FAM193B: variants seen among roughly 807,000 people sequenced by gnomAD.
The protein encoded by FAM193B is protein FAM193B.
In FAM193B, 27 loss-of-function variants were observed where a neutral mutation model predicts 70.7. That is an observed-to-expected ratio of 0.38 (90% CI 0.28 to 0.53). The LOEUF is 0.53. Ranked by LOEUF, FAM193B falls within the 20% of genes least tolerant of loss-of-function variation. The probability of loss-of-function intolerance (pLI) is 0.81; values close to 1 mark genes in which losing one functional copy is unlikely to be tolerated. For missense variants in FAM193B, 1,022 were observed against 1,072.5 expected (o/e 0.95, Z 0.66); for synonymous variants, 448 against 436.0 (o/e 1.03, Z -0.34).
intron 5 of FAM193B, chr5:177,531,598 G>T: frequency 8.9e-7 from 1 of 1,125,634 alleles, no homozygotes; most frequent in Non-Finnish European, 1.1e-6. Context: ...CGGGCACCAA[G>T]TATGTGATGA....
intron 1 of FAM193B, chr5:177,553,588 C>T: frequency 8.4e-7 from 1 of 1,194,102 alleles, no homozygotes; most frequent in Non-Finnish European, 1.1e-6. Flanking sequence ...TCGCTCTCAG[C>T]AGGATTCTCC....
At chr5:177,521,688 AG>A (rs1761764688) in intron 8 of FAM193B, among the ~76,000 whole-genome samples, 1 of 152,238 alleles carries the variant, frequency 6.6e-6, no homozygotes, top group Non-Finnish European at 1.5e-5. Context: ...GTTATGCCTT[AG>A]GAGATGCCAG....
chr5:177,524,061 T>G (rs1762187243), intron 6 of FAM193B, 29 bp from the exon 7 acceptor site: 25 of 1,613,732 alleles, frequency 1.5e-5, no homozygotes, highest in Non-Finnish European at 2.0e-5. Context: ...GAGGGCTCAG[T>G]GCCCATGGCC....
At chr5:177,542,529 T>A (rs1438345260) in intron 1 of FAM193B, among the ~76,000 whole-genome samples, 1 of 152,254 alleles carries the variant, frequency 6.6e-6, no homozygotes, top group African/African-American at 2.4e-5. Context: ...GAATCTAAAC[T>A]GACTTGTTAG....
chr5:177,537,791 G>A (rs1561773063), intron 3 of FAM193B, 82 bp downstream of exon 3: 1 of 1,480,860 alleles, frequency 6.8e-7, no homozygotes, highest in East Asian at 2.4e-5. Context: ...CCAGTCTTAT[G>A]ATTTGTTTGA....
At chr5:177,552,061 C>G (rs1423051352) in intron 1 of FAM193B, 1 of 985,156 alleles carries the variant, frequency 1.0e-6, no homozygotes, top group Non-Finnish European at 1.2e-6. Flanking sequence ...CTTTTCTTTT[C>G]TTTTGTCTGA....
chr5:177,524,608 G>A lies in FAM193B; in HGVS notation c.1873C>T (p.Pro625Ser), dbSNP rs755567843. 4.3e-6 allele frequency: 7 copies of A among 1,612,266 alleles called. No homozygotes were observed. The Admixed American group carries it at 8.4e-5, about 19-fold the overall frequency. ...TTCCCACCTGAGGACACAGGCTCAG[G>A]CAGCTCCTGCTTGCAACTGGGAACT... ...KEVPSCKQEL[P>S]EPVSSGGKPQ... Residue 625 changes from proline (P) to serine (S), a missense_variant, in exon 6 of 9, where the codon CCT becomes TCT. Physicochemically the swap from Pro to Ser is moderately conservative, Grantham distance 74 (BLOSUM62 -1). Coordinates refer to ENST00000514747, the MANE Select transcript of FAM193B (RefSeq NM_001190946.3).
At chr5:177,526,018 C>G (rs977527175) in intron 5 of FAM193B, among the ~76,000 whole-genome samples, 1 of 152,194 alleles carries the variant, frequency 6.6e-6, no homozygotes, top group African/African-American at 2.4e-5. Context: ...TGCTGTGGTG[C>G]GCCTGGCGCC....
chr5:177,524,133 C>T (rs1374534984), intron 6 of FAM193B, 52 bp downstream of exon 6: 101 of 1,602,452 alleles, frequency 6.3e-5, no homozygotes, highest in Non-Finnish European at 8.4e-5. Flanking sequence ...CCCCTCCACC[C>T]CGTGGACTGG....
intron 5 of FAM193B, among the ~76,000 whole-genome samples, chr5:177,528,810 C>T (rs938783970): frequency 3.9e-5 from 6 of 152,160 alleles, no homozygotes; most frequent in East Asian, 1.9e-4. Flanking sequence ...GCCCGCCTGG[C>T]GACACGGGAA....
rs945926356 is a variant in FAM193B at position 177,538,250 on chromosome 5, A to G, written c.454-143T>C. The G allele has an allele frequency of 4.8e-6, 4 of 836,184 alleles. No homozygotes were observed. Among genetic ancestry groups the G allele is most frequent in the South Asian group, 2.0e-5 (1 of 50,382 alleles). The allele number at this position is 836,184 out of a possible 1,614,324, so 51.8% of individuals were successfully genotyped here. A position where few individuals can be genotyped will look rare whatever the true frequency, so the allele number is the denominator to read the frequency against. On this transcript the variant is annotated intron_variant, in intron 2 of 8. Transcript: ENST00000514747. The surrounding 1 kb of genome is among the most constrained non-coding windows in gnomAD (Gnocchi z 4.1). ...AAACACAATTAATACAACTCCAGCT[A>G]TAAGAACAAATGAGGGCCAGGCCTT...
intron 1 of FAM193B, among the ~76,000 whole-genome samples, chr5:177,546,847 C>A (rs2127486747): frequency 6.6e-6 from 1 of 152,338 alleles, no homozygotes; most frequent in Admixed American, 6.5e-5. Flanking sequence ...AATATCCCCA[C>A]AAGGCTAGCT....
chr5:177,553,710 C>T (rs1766622732), intron 1 of FAM193B: 1 of 1,287,838 alleles, frequency 7.8e-7, no homozygotes, highest in Non-Finnish European at 1.0e-6. Flanking sequence ...AAAACTCCTC[C>T]GGGCAGCCTG....
At chr5:177,549,816 A>T (rs1404894717) in intron 1 of FAM193B, among the ~76,000 whole-genome samples, 1 of 152,238 alleles carries the variant, frequency 6.6e-6, no homozygotes, top group Non-Finnish European at 1.5e-5. Context: ...AATAACTGCC[A>T]GCCTGGCCCA....
rs1766744246 is a variant in FAM193B at position 177,554,248 on chromosome 5, C to T, written c.210+1G>A. ...GCCGAAGTCTCCCCGCTCGCTCCTACCTGCGGGCCGGGCACCAGGTTGGGT... is the reference window on the plus strand; with the variant it reads ...GCCGAAGTCTCCCCGCTCGCTCCTATCTGCGGGCCGGGCACCAGGTTGGGT... On this transcript the variant is annotated splice_donor_variant, in intron 1 of 8. Coordinates refer to ENST00000514747, the MANE Select transcript of FAM193B (RefSeq NM_001190946.3). LOFTEE classifies it high-confidence loss of function. The T allele has an allele frequency of 6.7e-7, 1 of 1,481,868 alleles. No individual in the cohort carries two copies. The highest frequency in any genetic ancestry group is 2.2e-5 in the Admixed American group (1 of 45,110). 91.8% of individuals were successfully genotyped at this position (1,481,868 alleles called of 1,614,324 possible). A position where few individuals can be genotyped will look rare whatever the true frequency, so the allele number is the denominator to read the frequency against.
chr5:177,526,489 G>A (rs957544903), intron 5 of FAM193B, among the ~76,000 whole-genome samples: 6 of 151,742 alleles, frequency 4.0e-5, no homozygotes, highest in Non-Finnish European at 7.4e-5. Context: ...CCTTCACCTC[G>A]CTCCCCCAGC....
Position 177,538,891 on chromosome 5 carries a change from C to CA in FAM193B, c.453+13dup. 1.2e-6 allele frequency: 2 copies of CA among 1,612,878 alleles called. No individual in the cohort carries two copies. The highest frequency in any genetic ancestry group is 1.7e-6 in the Non-Finnish European group (2 of 1,179,060). Reference sequence around the variant, plus strand: ...CCCTCCTGCATTCAGGGACCCCTGTCAGCGGTTACCTACCGCCACTGCATG... The same window carrying CA: ...CCCTCCTGCATTCAGGGACCCCTGTCAAGCGGTTACCTACCGCCACTGCATG... On this transcript the variant is annotated intron_variant, in intron 2 of 8. Transcript: ENST00000514747. This position sits in a 1 kb window ranked among gnomAD's most constrained non-coding sequence, Gnocchi z 4.1.
chr5:177,533,263 C>T (rs903313887), intron 4 of FAM193B, among the ~76,000 whole-genome samples: 2 of 151,894 alleles, frequency 1.3e-5, no homozygotes, highest in African/African-American at 4.8e-5. Context: ...TTCTGGGACA[C>T]CAACTATAAG....
At chr5:177,553,652 G>A (rs1159534519) in intron 1 of FAM193B, 10 of 1,277,804 alleles carry the variant, frequency 7.8e-6, no homozygotes, top group African/African-American at 1.5e-5. Context: ...GGGGAGGGAA[G>A]AAGGGCAGGT....
Sources: gnomAD v4.1 joint callset for allele counts (sites outside exome capture counted in the v4.1 genomes callset) on GRCh38, gnomAD v4.1.1 for gene constraint, Gnocchi (gnomAD v3.1) non-coding constraint, MANE v1.5 for transcripts, NCBI Gene and HGNC (gene_info 2026-07-23, HGNC 2026-07-21) for gene names.